The following DNAH9 variants were observed in gnomAD, a reference collection of about 807,000 sequenced individuals.
DNAH9 encodes the protein dynein axonemal heavy chain 9.
Under a neutral mutation model 471.6 loss-of-function variants are expected in DNAH9, and 345 were observed. The ratio of observed to expected loss-of-function variants is 0.73; its 90% confidence interval spans 0.67 to 0.80. The LOEUF is 0.80. Among genes scored for constraint, DNAH9 ranks in the 30% least tolerant of loss-of-function variants. The pLI is 0.00. For synonymous variants in DNAH9, 2,093 were observed against 2,123.6 expected (o/e 0.99, Z 0.40); for missense variants, 5,407 against 5,609.2 (o/e 0.96, Z 1.15).
intron 62 of DNAH9, among the ~76,000 whole-genome samples, chr17:11,924,796 G>A (rs534440825): frequency 6.6e-6 from 1 of 151,618 alleles, no homozygotes. Flanking sequence ...GCTAATTTTT[G>A]TATTTTTAGT....
intron 45 of DNAH9, among the ~76,000 whole-genome samples, chr17:11,815,030 T>C (rs917301): frequency 0.56 from 84,652 of 151,774 alleles, 23,861 homozygotes; most frequent in East Asian, 0.64. Flanking sequence ...AAGACATACT[T>C]AGTGGACTCA....
intron 14 of DNAH9, among the ~76,000 whole-genome samples, chr17:11,663,614 ATTTC>A (rs1043050208): frequency 1.3e-5 from 2 of 152,232 alleles, no homozygotes; most frequent in African/African-American, 4.8e-5. Context: ...AACCTGAACT[ATTTC>A]TTCCTACTTC....
intron 35 of DNAH9, among the ~76,000 whole-genome samples, chr17:11,758,276 ACT>A (rs1319354832): frequency 6.6e-6 from 1 of 152,036 alleles, no homozygotes; most frequent in Non-Finnish European, 1.5e-5. Context: ...GAGGTTAATC[ACT>A]CTTGACCAAG....
chr17:11,600,371 C>G (rs975038980), intron 1 of DNAH9, among the ~76,000 whole-genome samples: 8 of 152,174 alleles, frequency 5.3e-5, no homozygotes, highest in African/African-American at 1.9e-4. Flanking sequence ...TTTCAAGATA[C>G]TGAGAGCAGA....
Position 11,932,896 on chromosome 17 carries a change from C to T in DNAH9, c.12297+691C>T, listed in dbSNP as rs1188575449. 1.3e-5 allele frequency among the ~76,000 whole-genome samples: 2 copies of T among 152,222 alleles called. No homozygotes were observed. The highest frequency in any genetic ancestry group is 4.8e-5 in the African/African-American group (2 of 41,454). On this transcript the variant is annotated intron_variant, in intron 64 of 68. Transcript: ENST00000262442. This position sits in a 1 kb window ranked among gnomAD's most constrained non-coding sequence, Gnocchi z 4.3. ...TCCCAAACTTCGCTAACAATCAGTG[C>T]TCTTCCAGTTAAGGGAATATTCACC...
rs762924565 is a variant in DNAH9, at chr17:11,834,328, C to CAAAA, written c.9247-292_9247-289dup. ...CGGGTGACAGAGTGAGACTCCGTCTCAAAAAAAAAAAAAAAAAAAAAGAAG... is the reference window on the plus strand; with the variant it reads ...CGGGTGACAGAGTGAGACTCCGTCTCAAAAAAAAAAAAAAAAAAAAAAAAAGAAG... On this transcript the variant is annotated intron_variant, in intron 48 of 68. Coordinates refer to ENST00000262442, the MANE Select transcript of DNAH9 (RefSeq NM_001372.4). 9.9e-3 allele frequency among the ~76,000 whole-genome samples: 743 copies of CAAAA among 75,018 alleles called. 25 individuals carry two copies. Among genetic ancestry groups the CAAAA allele is most frequent in the Middle Eastern group, 0.024 (2 of 84 alleles). The allele number at this position is 75,018 out of a possible 152,430, so 49.2% of individuals were successfully genotyped here.
intron 61 of DNAH9, among the ~76,000 whole-genome samples, chr17:11,913,039 A>G (rs1419008726): frequency 1.3e-5 from 2 of 152,092 alleles, no homozygotes; most frequent in Non-Finnish European, 2.9e-5. Context: ...ATGGTGGCAC[A>G]TGTCTGTAAT....
At chr17:11,727,021 C>CT (rs1307917867) in intron 27 of DNAH9, among the ~76,000 whole-genome samples, 2 of 122,472 alleles carry the variant, frequency 1.6e-5, no homozygotes, top group African/African-American at 6.3e-5. Flanking sequence ...GCACTCCAGC[C>CT]TGGGCAACAG....
chr17:11,830,994 C>A (rs1970669457), intron 48 of DNAH9, among the ~76,000 whole-genome samples: 1 of 152,148 alleles, frequency 6.6e-6, no homozygotes. Flanking sequence ...ATTTATTAGG[C>A]AGGCAGACAT....
At chr17:11,661,293 T>C (rs1408045843) in intron 14 of DNAH9, among the ~76,000 whole-genome samples, 3 of 152,140 alleles carry the variant, frequency 2.0e-5, no homozygotes, top group Non-Finnish European at 2.9e-5. Context: ...CCCATCATTT[T>C]ACCTTCAACC....
chr17:11,960,766 A>G (rs1386693555), intron 67 of DNAH9, among the ~76,000 whole-genome samples: 1 of 152,066 alleles, frequency 6.6e-6, no homozygotes, highest in East Asian at 1.9e-4. Context: ...CTCCAGAAAA[A>G]AAAAGAATTC....
At chr17:11,744,171 C>G (rs2075477970) in intron 30 of DNAH9, among the ~76,000 whole-genome samples, 1 of 152,074 alleles carries the variant, frequency 6.6e-6, no homozygotes, top group Non-Finnish European at 1.5e-5. Flanking sequence ...TAGCAATCTG[C>G]TACAAATCAA....
At chr17:11,738,260 T>C (rs1448263003) in intron 28 of DNAH9, among the ~76,000 whole-genome samples, 1 of 152,198 alleles carries the variant, frequency 6.6e-6, no homozygotes, top group African/African-American at 2.4e-5. Flanking sequence ...TGGTCAGCCC[T>C]AATACACTTC....
At chr17:11,852,665 A>G (rs1002024760) in intron 49 of DNAH9, among the ~76,000 whole-genome samples, 1 of 151,672 alleles carries the variant, frequency 6.6e-6, no homozygotes, top group Non-Finnish European at 1.5e-5. Flanking sequence ...CTGAGCAGGG[A>G]GAATGCAATG....
intron 43 of DNAH9, among the ~76,000 whole-genome samples, chr17:11,799,290 A>G (rs1332980545): frequency 2.6e-5 from 4 of 150,972 alleles, no homozygotes; most frequent in Non-Finnish European, 4.4e-5. Context: ...TGGACCAACT[A>G]CTTCCCCAGA....
intron 43 of DNAH9, among the ~76,000 whole-genome samples, chr17:11,802,585 T>C (rs1299295015): frequency 6.7e-6 from 1 of 149,900 alleles, no homozygotes; most frequent in African/African-American, 2.5e-5. Context: ...GGAGCCAAGA[T>C]CGTGCCGCTG....
Position 11,892,694 on chromosome 17 carries a change from G to C in DNAH9, c.11283+747G>C, listed in dbSNP as rs1178747038. ...GGCTCCCGTGTAGCTGGGATTACAGGTGTGCGCCACCAGGCCCAGCGAATT... is the reference window on the plus strand; with the variant it reads ...GGCTCCCGTGTAGCTGGGATTACAGCTGTGCGCCACCAGGCCCAGCGAATT... On this transcript the variant is annotated intron_variant, in intron 58 of 68. Coordinates refer to ENST00000262442, the MANE Select transcript of DNAH9 (RefSeq NM_001372.4). The surrounding 1 kb of genome is among the most constrained non-coding windows in gnomAD (Gnocchi z 4.3). Among the ~76,000 whole-genome samples, 1 of 152,076 alleles carries C rather than the reference G, an allele frequency of 6.6e-6. No homozygotes were observed. The highest frequency in any genetic ancestry group is 1.5e-5 in the Non-Finnish European group (1 of 68,026).
At chr17:11,710,512 A>C (rs939087111) in intron 26 of DNAH9, among the ~76,000 whole-genome samples, 1 of 152,164 alleles carries the variant, frequency 6.6e-6, no homozygotes, top group African/African-American at 2.4e-5. Flanking sequence ...ATTAAGTATT[A>C]CTGTTACTTT....
rs116949408 is a variant in DNAH9, at chr17:11,681,759, A to G, written c.3743+870A>G. Among the ~76,000 whole-genome samples the G allele has an allele frequency of 4.9e-3, 742 of 152,290 alleles. 7 individuals are homozygous for G. Among genetic ancestry groups the G allele is most frequent in the Admixed American group, 9.2e-3 (140 of 15,300 alleles). On this transcript the variant is annotated intron_variant, in intron 19 of 68. Coordinates refer to ENST00000262442, the MANE Select transcript of DNAH9 (RefSeq NM_001372.4). ...TTTCAAAGGTTATTTGCCCACAGAA[A>G]TATTAAAGCAACAAACCAAACAAAA...
Sources: gnomAD v4.1 joint callset for allele counts (sites outside exome capture counted in the v4.1 genomes callset) on GRCh38, gnomAD v4.1.1 for gene constraint, Gnocchi (gnomAD v3.1) non-coding constraint, MANE v1.5 for transcripts, NCBI Gene and HGNC (gene_info 2026-07-23, HGNC 2026-07-21) for gene names.